PREX1: variants seen among roughly 807,000 people sequenced by gnomAD.
PREX1 encodes phosphatidylinositol-3,4,5-trisphosphate dependent Rac exchange factor 1.
In PREX1, 41 loss-of-function variants were observed where a neutral mutation model predicts 198.3. The observed-to-expected ratio is 0.21, with a 90% CI of 0.16 to 0.27. The LOEUF is 0.27. PREX1 is among the 10% of genes least tolerant of loss of function. The pLI, the probability that PREX1 is intolerant of heterozygous loss-of-function variation, is 1.00. For missense variants in PREX1, 1,620 were observed against 2,200.7 expected, an observed-to-expected ratio of 0.74 and a Z score of 5.28; for synonymous variants, 843 against 887.2, an observed-to-expected ratio of 0.95 and a Z score of 0.89.
intron 16 of PREX1, 88 bp downstream of exon 16, chr20:48,659,831 T>C: frequency 6.4e-7 from 1 of 1,573,164 alleles, no homozygotes; most frequent in East Asian, 2.3e-5. Context: ...TGAGCCCCCT[T>C]CCCTGTGCAT....
chr20:48,886,866 G>A, the PREX1 span, among the ~76,000 whole-genome samples: 1 of 152,216 alleles, frequency 6.6e-6, no homozygotes, highest in South Asian at 2.1e-4. Flanking sequence ...TCAGAGCTGG[G>A]TGGTGAATCC....
At position 48,636,667 on chromosome 20, in the gene PREX1, C is replaced by T. The variant is rs754850485; in HGVS notation, c.3963G>A (p.Leu1321=). Residue 1321 remains leucine, a synonymous_variant, in exon 32 of 40, where the codon CTG becomes CTA. Transcript: ENST00000371941. ...CCTGGCAGAAGATCGCGTCTCTGCG[C>T]AGCTGCAGCTCCGTGTCTGGGGGCA... ...LLKCTDTELQ[L]RRDAIFCQAL... The T allele has an allele frequency of 6.2e-7, 1 of 1,606,448 alleles. No individual in the cohort carries two copies. Among genetic ancestry groups the T allele is most frequent in the East Asian group, 2.2e-5 (1 of 44,636 alleles).
At chr20:48,716,124 G>A (rs940402649) in intron 5 of PREX1, among the ~76,000 whole-genome samples, 2 of 152,184 alleles carry the variant, frequency 1.3e-5, no homozygotes, top group Non-Finnish European at 2.9e-5. Context: ...GTGTGCCAGG[G>A]CTACCCTGTG....
At chr20:48,793,260 T>C (rs985216981) in intron 1 of PREX1, among the ~76,000 whole-genome samples, 1 of 152,058 alleles carries the variant, frequency 6.6e-6, no homozygotes, top group Admixed American at 6.5e-5. Context: ...GTTCCAGGGA[T>C]TGGGGAAGTG....
intron 1 of PREX1, among the ~76,000 whole-genome samples, chr20:48,775,223 C>T (rs1229402772): frequency 6.6e-6 from 1 of 152,080 alleles, no homozygotes; most frequent in Non-Finnish European, 1.5e-5. Flanking sequence ...CCTGCCCTCA[C>T]GGAGCTGATA....
upstream of PREX1, among the ~76,000 whole-genome samples, chr20:48,829,736 TTC>T (rs1197861231): frequency 1.3e-5 from 2 of 152,226 alleles, no homozygotes; most frequent in Non-Finnish European, 2.9e-5. Context: ...TTTAAATTAA[TTC>T]TGTCTACCAC....
chr20:48,851,228 C>T, the PREX1 span, among the ~76,000 whole-genome samples: 30 of 152,222 alleles, frequency 2.0e-4, no homozygotes, highest in East Asian at 3.1e-3. Context: ...TACTTGAGGC[C>T]GGGCATGGTG....
chr20:48,859,910 T>G, the PREX1 span, among the ~76,000 whole-genome samples: 8 of 151,982 alleles, frequency 5.3e-5, no homozygotes, highest in African/African-American at 1.9e-4. Flanking sequence ...CCCAGCTACT[T>G]AAGAGGCTGA....
chr20:48,700,691 C>A lies in PREX1; in HGVS notation c.917+62G>T, dbSNP rs547630217. On this transcript the variant is annotated intron_variant, in intron 7 of 39. Transcript: ENST00000371941. ...GAGGCCCAGAGAGGGAAGTGACAAG[C>A]CCAAGGCATCACCTGGAGAAGGCAG... is the stretch of plus-strand genomic sequence containing the variant. 3.8e-6 allele frequency: 6 copies of A among 1,590,314 alleles called. No homozygotes were observed. In the East Asian group the frequency reaches 1.1e-4, roughly 30 times the overall value.
chr20:48,786,944 A>G (rs1265883658), intron 1 of PREX1, among the ~76,000 whole-genome samples: 2 of 151,910 alleles, frequency 1.3e-5, no homozygotes, highest in Non-Finnish European at 2.9e-5. Context: ...ACAAGAGGTC[A>G]CAAGGATGCG....
At position 48,688,668 on chromosome 20, in the gene PREX1, G is replaced by A; in HGVS notation, c.1323C>T (p.Cys441=). ...GTGAGGCTACTCACTTGCCAAGAAA[G>A]CACTTGGGGACAGTGCTCAGCTTTC... The part of the protein sequence containing the change: ...RRRKLSTVPK[C]FLGNEFVAWL... Residue 441 remains cysteine (C), a synonymous_variant, in exon 10 of 40, where the codon TGC becomes TGT. Transcript: ENST00000371941. 6.2e-7 allele frequency: 1 copy of A among 1,614,174 alleles called. No homozygotes were observed. The highest frequency in any genetic ancestry group is 8.5e-7 in the Non-Finnish European group (1 of 1,180,032).
rs939672171 is a variant in PREX1 at position 48,666,785 on chromosome 20, A to T, written c.1666-430T>A. On this transcript the variant is annotated intron_variant, in intron 14 of 39. Transcript: ENST00000371941. The surrounding 1 kb of genome is among the most constrained non-coding windows in gnomAD (Gnocchi z 4.3). ...CGTGATCCGTCCGTCTTGGCCTCCC[A>T]AAGTGCTGGAATTACAGGCATGAGC... 6.6e-6 allele frequency among the ~76,000 whole-genome samples: 1 copy of T among 152,110 alleles called. No homozygotes were observed. Among genetic ancestry groups the T allele is most frequent in the Non-Finnish European group, 1.5e-5 (1 of 68,002 alleles).
At chr20:48,734,000 G>A (rs1306108895) in intron 4 of PREX1, among the ~76,000 whole-genome samples, 4 of 152,170 alleles carry the variant, frequency 2.6e-5, no homozygotes, top group East Asian at 3.8e-4. Flanking sequence ...TGATCCACCC[G>A]CCTCGGCCTC....
upstream of PREX1, among the ~76,000 whole-genome samples, chr20:48,831,863 C>G (rs964079339): frequency 6.6e-6 from 1 of 152,242 alleles, no homozygotes; most frequent in African/African-American, 2.4e-5. Flanking sequence ...GGGACTCCCT[C>G]TCTTCAAAAC....
upstream of PREX1, among the ~76,000 whole-genome samples, chr20:48,830,615 T>G (rs975826772): frequency 6.6e-6 from 1 of 152,218 alleles, no homozygotes; most frequent in Non-Finnish European, 1.5e-5. Context: ...ATGGGTCCCA[T>G]CTCTGGCCCA....
chr20:48,656,114 T>C (rs1288208783), intron 18 of PREX1, among the ~76,000 whole-genome samples: 1 of 152,170 alleles, frequency 6.6e-6, no homozygotes, highest in African/African-American at 2.4e-5. Flanking sequence ...TCAGCTCGCC[T>C]TTTTACTGAA....
chr20:48,646,021 C>A lies in PREX1; in HGVS notation c.3342G>T (p.Gly1114=), dbSNP rs2089448635. Residue 1114 remains glycine, a synonymous_variant, in exon 26 of 40, where the codon GGG becomes GGT. Coordinates refer to ENST00000371941, the MANE Select transcript of PREX1 (RefSeq NM_020820.4). ...LSTITEPTSG[G]SCDASLAEEA... is the part of the protein sequence containing the mutation. ...CCTCAGCCAAGGATGCGTCGCAGGACCCACCCGAGGTGGGCTCTGTGATGG... is the reference window on the plus strand; with the variant it reads ...CCTCAGCCAAGGATGCGTCGCAGGAACCACCCGAGGTGGGCTCTGTGATGG... 1.2e-6 allele frequency: 2 copies of A among 1,614,100 alleles called. No individual in the cohort carries two copies. Among genetic ancestry groups the A allele is most frequent in the Non-Finnish European group, 1.7e-6 (2 of 1,180,030 alleles).
chr20:48,830,277 G>T (rs1193163340), upstream of PREX1, among the ~76,000 whole-genome samples: 1 of 152,192 alleles, frequency 6.6e-6, no homozygotes, highest in Non-Finnish European at 1.5e-5. Flanking sequence ...TGGGGAGCTT[G>T]CTTGAGCCCA....
At chr20:48,858,056 G>A in the PREX1 span, among the ~76,000 whole-genome samples, 1 of 152,256 alleles carries the variant, frequency 6.6e-6, no homozygotes, top group South Asian at 2.1e-4. Flanking sequence ...CAGGGGCCAT[G>A]TCTCAGGCCT....
Sources: gnomAD v4.1 joint callset for allele counts (sites outside exome capture counted in the v4.1 genomes callset) on GRCh38, gnomAD v4.1.1 for gene constraint, Gnocchi (gnomAD v3.1) non-coding constraint, MANE v1.5 for transcripts, NCBI Gene and HGNC (gene_info 2026-07-23, HGNC 2026-07-21) for gene names.